Variants in FAM120B observed in about 807,000 individuals in gnomAD.
The protein encoded by FAM120B is family with sequence similarity 120 member B, also known as constitutive coactivator of peroxisome proliferator-activated receptor gamma.
In FAM120B, 83 loss-of-function variants were observed where a neutral mutation model predicts 96.3. That is an observed-to-expected ratio of 0.86 (90% confidence interval 0.72 to 1.03). The LOEUF is 1.03. Among genes scored for constraint, FAM120B ranks in the 50% least tolerant of loss-of-function variants. FAM120B has a pLI of 0.00. For synonymous variants in FAM120B, 407 were observed against 402.7 expected (o/e 1.01, Z -0.13); for missense variants, 1,027 against 1,121.2 (o/e 0.92, Z 1.20).
chr6:170,358,087 C>A, intron 5 of FAM120B, 139 bp from the exon 6 acceptor site: 1 of 672,654 alleles, frequency 1.5e-6, no homozygotes. Flanking sequence ...CATGTGGGTG[C>A]CTGTGCGTGT....
At chr6:170,352,013 T>C (rs1787612112) in intron 5 of FAM120B, among the ~76,000 whole-genome samples, 1 of 152,168 alleles carries the variant, frequency 6.6e-6, no homozygotes, top group Admixed American at 6.6e-5. Flanking sequence ...TAAAGAGCCA[T>C]GACCCATCCA....
intron 1 of FAM120B, among the ~76,000 whole-genome samples, chr6:170,316,558 G>C (rs1029545884): frequency 1.6e-4 from 24 of 152,140 alleles, no homozygotes; most frequent in Non-Finnish European, 2.9e-4. Context: ...AATTCTAACT[G>C]TAAACTACTT....
rs1049872883 is a variant in FAM120B, at chr6:170,363,728, G to A, written c.2283+5410G>A. On this transcript the variant is annotated intron_variant, in intron 6 of 10. Transcript: ENST00000476287. The surrounding 1 kb of genome is among the most constrained non-coding windows in gnomAD (Gnocchi z 4.5). ...ACCAGCGAAACATGGCATTCCTACAGTGAGATTATATCAAGAAAGCACTTA... is the reference window on the plus strand; with the variant it reads ...ACCAGCGAAACATGGCATTCCTACAATGAGATTATATCAAGAAAGCACTTA... 6.6e-6 allele frequency among the ~76,000 whole-genome samples: 1 copy of A among 152,232 alleles called. No homozygotes were observed. Among genetic ancestry groups the A allele is most frequent in the East Asian group, 1.9e-4 (1 of 5,204 alleles).
At chr6:170,350,449 A>G (rs1583245026) in intron 5 of FAM120B, among the ~76,000 whole-genome samples, 1 of 152,270 alleles carries the variant, frequency 6.6e-6, no homozygotes, top group East Asian at 1.9e-4. Flanking sequence ...GCTCTACCAA[A>G]AAGCAGCCAG....
chr6:170,316,547 A>C (rs1400586879), intron 1 of FAM120B, among the ~76,000 whole-genome samples: 1 of 152,214 alleles, frequency 6.6e-6, no homozygotes, highest in Non-Finnish European at 1.5e-5. Context: ...TCCAGATTCC[A>C]AATTCTAACT....
chr6:170,351,134 C>T (rs1287428986), intron 5 of FAM120B, among the ~76,000 whole-genome samples: 3 of 152,102 alleles, frequency 2.0e-5, no homozygotes. Flanking sequence ...ATAAGAAATT[C>T]ACAGAACTTC....
Position 170,361,242 on chromosome 6 carries a change from A to ATATATATATATATACG in FAM120B, c.2283+2936_2283+2937insTACGTATATATATATA, listed in dbSNP as rs1374958889. Reference sequence around the variant, plus strand: ...TATATATATATATATATATACACGTATATATATATATACGTGTATATATAT... The same window carrying ATATATATATATATACG: ...TATATATATATATATATATACACGTATATATATATATATACGTATATATATATACGTGTATATATAT... On this transcript the variant is annotated intron_variant, in intron 6 of 10. Transcript: ENST00000476287. Among the ~76,000 whole-genome samples the ATATATATATATATACG allele has an allele frequency of 5.9e-3, 763 of 129,940 alleles. 20 individuals carry two copies. Among genetic ancestry groups the ATATATATATATATACG allele is most frequent in the African/African-American group, 0.022 (688 of 30,620 alleles). 85.2% of individuals were successfully genotyped at this position (129,940 alleles called of 152,430 possible). A position where few individuals can be genotyped will look rare whatever the true frequency, so the allele number is the denominator to read the frequency against.
rs539446354 is a variant in FAM120B, at chr6:170,378,798, G to T, written c.2284-9489G>T. On this transcript the variant is annotated intron_variant, in intron 6 of 10. Transcript: ENST00000476287. ...GGCTGCACCTGAGCCCCGAGCTTCC[G>T]GTTGTGGGCAGGGTGGGCTGCACCT... 7.2e-5 allele frequency among the ~76,000 whole-genome samples: 11 copies of T among 152,338 alleles called. No individual in the cohort carries two copies. In the South Asian group the frequency reaches 2.3e-3, roughly 32 times the overall value.
At chr6:170,314,176 G>A (rs1031557311) in intron 1 of FAM120B, among the ~76,000 whole-genome samples, 1 of 152,236 alleles carries the variant, frequency 6.6e-6, no homozygotes, top group African/African-American at 2.4e-5. Flanking sequence ...GCAGCCTCCA[G>A]CTGTACCTTA....
intron 6 of FAM120B, among the ~76,000 whole-genome samples, chr6:170,359,735 G>A (rs1004248988): frequency 3.9e-5 from 6 of 152,114 alleles, no homozygotes; most frequent in African/African-American, 4.8e-5. Flanking sequence ...CACCACACCC[G>A]GCCACAACTT....
chr6:170,357,211 C>A (rs551027658), intron 5 of FAM120B, among the ~76,000 whole-genome samples: 4 of 152,252 alleles, frequency 2.6e-5, no homozygotes, highest in South Asian at 4.1e-4. Context: ...GCAGCTCTTG[C>A]GGCCTTAGGA....
At chr6:170,378,652 ACAGGAAG>A (rs1424692381) in intron 6 of FAM120B, among the ~76,000 whole-genome samples, 8 of 152,174 alleles carry the variant, frequency 5.3e-5, no homozygotes, top group African/African-American at 1.9e-4. Flanking sequence ...GGGGAAATGG[ACAGGAAG>A]CAGGAAGCAG....
At chr6:170,354,178 C>G (rs976602871) in intron 5 of FAM120B, among the ~76,000 whole-genome samples, 1 of 152,300 alleles carries the variant, frequency 6.6e-6, no homozygotes, top group African/African-American at 2.4e-5. Flanking sequence ...GGGAAAGACT[C>G]CCTCTTTAAT....
At chr6:170,372,651 G>T (rs912782682) in intron 6 of FAM120B, among the ~76,000 whole-genome samples, 3 of 152,146 alleles carry the variant, frequency 2.0e-5, no homozygotes, top group African/African-American at 7.2e-5. Flanking sequence ...AGTGCTGCTG[G>T]GTTGGTGGGT....
chr6:170,367,552 G>A (rs1160191180), intron 6 of FAM120B, among the ~76,000 whole-genome samples: 1 of 152,266 alleles, frequency 6.6e-6, no homozygotes, highest in Non-Finnish European at 1.5e-5. Flanking sequence ...AGAGCGTGCT[G>A]ACCCTTGGCT....
At chr6:170,333,949 G>A (rs994816157) in intron 4 of FAM120B, among the ~76,000 whole-genome samples, 2 of 152,144 alleles carry the variant, frequency 1.3e-5, no homozygotes, top group East Asian at 3.8e-4. Context: ...GTGTGCATGT[G>A]TGTCTACCCT....
chr6:170,311,436 C>G lies in FAM120B; in HGVS notation c.-22+4594C>G, dbSNP rs141484694. ...TACAATTGCAAGTTAGATTAAACTACTTAATAGAGCAGATGTTTTGAGCAC... is the reference window on the plus strand; with the variant it reads ...TACAATTGCAAGTTAGATTAAACTAGTTAATAGAGCAGATGTTTTGAGCAC... On this transcript the variant is annotated intron_variant, in intron 1 of 10. Coordinates refer to ENST00000476287, the MANE Select transcript of FAM120B (RefSeq NM_032448.3). Among the ~76,000 whole-genome samples, 752 of 152,312 alleles carry G rather than the reference C, an allele frequency of 4.9e-3. 10 individuals are homozygous for G. The highest frequency in any genetic ancestry group is 0.017 in the African/African-American group (719 of 41,566).
chr6:170,394,340 A>G (rs1790615257), intron 8 of FAM120B, among the ~76,000 whole-genome samples: 1 of 152,214 alleles, frequency 6.6e-6, no homozygotes, highest in Admixed American at 6.5e-5. Flanking sequence ...AGGTGATGTG[A>G]TGAGAAATCT....
At chr6:170,313,307 G>A (rs796720452) in intron 1 of FAM120B, among the ~76,000 whole-genome samples, 11 of 152,194 alleles carry the variant, frequency 7.2e-5, no homozygotes, top group East Asian at 1.9e-4. Flanking sequence ...CTTTTTAGGC[G>A]GGGGAGGAGA....
Sources: allele counts gnomAD v4.1 joint callset (sites outside exome capture counted in the v4.1 genomes callset), GRCh38; gene constraint gnomAD v4.1.1; non-coding constraint Gnocchi (gnomAD v3.1); transcripts MANE v1.5; gene names NCBI Gene and HGNC (gene_info 2026-07-23, HGNC 2026-07-21).